The following CCDC7 variants were observed in gnomAD, a reference collection of about 807,000 sequenced individuals.
The protein encoded by CCDC7 is coiled-coil domain containing 7.
A neutral mutation model predicts 196.9 loss-of-function variants in CCDC7; 183 were observed. The ratio of observed to expected loss-of-function variants is 0.93; its 90% CI spans 0.82 to 1.05. The LOEUF (loss-of-function observed/expected upper bound fraction) is 1.05, where lower values mean the gene tolerates loss of function less well. Ranked by LOEUF, CCDC7 falls within the 50% of genes least tolerant of loss-of-function variation. The pLI is 0.00. For synonymous variants in CCDC7, 525 were observed against 484.6 expected (o/e 1.08, Z -1.10); for missense variants, 1,540 against 1,482.2 (o/e 1.04, Z -0.64).
downstream of CCDC7, among the ~76,000 whole-genome samples, chr10:32,879,871 A>G (rs1417554374): frequency 2.0e-5 from 3 of 152,074 alleles, no homozygotes; most frequent in Non-Finnish European, 4.4e-5. Context: ...ATGTCCCTGC[A>G]AACGACATGA....
In CCDC7 at chr10:32,590,093, A is replaced by T. The variant is rs78289178; in HGVS notation, c.1801+5789A>T. On this transcript the variant is annotated intron_variant, in intron 18 of 41. Coordinates refer to ENST00000639629, the Ensembl canonical transcript of CCDC7. ...TTGATTCTAAGGACTTATTCTTGCC[A>T]TTTTGTTATTGCTTTTCCAGTTGTT... Among the ~76,000 whole-genome samples, 1,281 of 151,914 alleles carry T rather than the reference A, an allele frequency of 8.4e-3. 28 individuals carry two copies. Among genetic ancestry groups the T allele is most frequent in the African/African-American group, 0.028 (1,180 of 41,444 alleles).
At chr10:32,565,742 A>C (rs1365763978) in intron 14 of CCDC7, 122 bp downstream of exon 15, 1 of 999,166 alleles carries the variant, frequency 1.0e-6, no homozygotes, top group African/African-American at 1.6e-5. Flanking sequence ...CTATTTGGCT[A>C]GGTTTAAACT....
intron 28 of CCDC7, among the ~76,000 whole-genome samples, chr10:32,751,000 G>A (rs1182553517): frequency 6.6e-6 from 1 of 152,042 alleles, no homozygotes; most frequent in Non-Finnish European, 1.5e-5. Flanking sequence ...ATAATTAATG[G>A]ACAGAAATCA....
At chr10:32,711,399 C>G (rs945710793) in intron 24 of CCDC7, among the ~76,000 whole-genome samples, 1 of 151,990 alleles carries the variant, frequency 6.6e-6, no homozygotes, top group Non-Finnish European at 1.5e-5. Context: ...TAATATAAAA[C>G]ACATTTAATA....
chr10:32,831,483 T>A (rs1337720736), intron 32 of CCDC7, among the ~76,000 whole-genome samples: 4 of 152,228 alleles, frequency 2.6e-5, no homozygotes, highest in Non-Finnish European at 5.9e-5. Context: ...TTTATTTTTT[T>A]AATTTTTGGA....
intron 21 of CCDC7, among the ~76,000 whole-genome samples, chr10:32,666,120 C>CTTTTT (rs35052301): frequency 1.5e-5 from 2 of 130,806 alleles, no homozygotes; most frequent in African/African-American, 2.8e-5. Context: ...TATTCTTTTT[C>CTTTTT]TTTTTTTTTT....
At chr10:32,835,424 A>T (rs1044192598) in intron 33 of CCDC7, among the ~76,000 whole-genome samples, 3 of 152,098 alleles carry the variant, frequency 2.0e-5, no homozygotes, top group Non-Finnish European at 4.4e-5. Flanking sequence ...AAAGACATGA[A>T]ATCAACCCAA....
At chr10:32,561,881 C>T (rs1279754228) in intron 13 of CCDC7, among the ~76,000 whole-genome samples, 1 of 151,910 alleles carries the variant, frequency 6.6e-6, no homozygotes, top group Non-Finnish European at 1.5e-5. Flanking sequence ...TTGAAAGGAT[C>T]AACAAAATTG....
intron 30 of CCDC7, among the ~76,000 whole-genome samples, chr10:32,807,795 A>G (rs2086156979): frequency 6.6e-6 from 1 of 151,894 alleles, no homozygotes; most frequent in South Asian, 2.1e-4. Context: ...AAGCAGATGC[A>G]GCATAGTGCC....
intron 2 of CCDC7, among the ~76,000 whole-genome samples, chr10:32,455,926 C>T (rs2034239597): frequency 6.6e-6 from 1 of 151,700 alleles, no homozygotes; most frequent in Non-Finnish European, 1.5e-5. Context: ...GTAATGATTA[C>T]CTTTTATTGG....
At chr10:32,533,273 A>ACACACACACACACACT in intron 11 of CCDC7, among the ~76,000 whole-genome samples, 1 of 151,714 alleles carries the variant, frequency 6.6e-6, no homozygotes, top group South Asian at 2.1e-4. Context: ...ACACACACAC[A>ACACACACACACACACT]CACACAATTC....
intron 18 of CCDC7, among the ~76,000 whole-genome samples, chr10:32,624,030 C>G (rs2063702002): frequency 6.6e-6 from 1 of 152,140 alleles, no homozygotes; most frequent in Non-Finnish European, 1.5e-5. Flanking sequence ...GGACCAGTAT[C>G]CAAACCATAT....
intron 3 of CCDC7, among the ~76,000 whole-genome samples, chr10:32,461,964 G>C (rs2133675411): frequency 6.6e-6 from 1 of 151,452 alleles, no homozygotes; most frequent in Non-Finnish European, 1.5e-5. Flanking sequence ...TAGAGACGGG[G>C]TTTCTCCATG....
At chr10:32,856,128 A>G (rs2093744174) in intron 41 of CCDC7, among the ~76,000 whole-genome samples, 1 of 152,208 alleles carries the variant, frequency 6.6e-6, no homozygotes, top group African/African-American at 2.4e-5. Flanking sequence ...AACTCTTAGA[A>G]GAAAACATAG....
At chr10:32,667,796 G>T (rs1327711378) in intron 21 of CCDC7, among the ~76,000 whole-genome samples, 1 of 152,126 alleles carries the variant, frequency 6.6e-6, no homozygotes, top group Admixed American at 6.6e-5. Context: ...TTGAAGTCAG[G>T]TAGCGTGATG....
rs2138379849 is a variant in CCDC7, at chr10:32,602,310, A to G, written c.1801+18006A>G. 2.7e-5 allele frequency among the ~76,000 whole-genome samples: 4 copies of G among 149,438 alleles called. 1 individual carries two copies. In the Middle Eastern group the frequency reaches 0.014, roughly 541 times the overall value. The stretch of plus-strand genomic sequence containing the variant: ...ACACATCTGAACATCTGAAGGAACA[A>G]ATTCTGGACACACCATCTTTAAGAG... On this transcript the variant is annotated intron_variant, in intron 18 of 41. Coordinates refer to ENST00000639629, the Ensembl canonical transcript of CCDC7.
At position 32,567,797 on chromosome 10, in the gene CCDC7, C is replaced by A. The variant is rs1039253656; in HGVS notation, c.1325C>A (p.Ser442Ter). ...CAAACAAAAGTTAAAGGTGAAGATT[C>A]AAAAAATATACCATTGGAGAAAGAA... The change falls in exon 15 of 42, where the codon TCA (serine) becomes TAA (stop). Residue 442 changes from serine to a stop codon, truncating the protein, a stop_gained. Coordinates refer to ENST00000639629, the Ensembl canonical transcript of CCDC7. LOFTEE classifies it high-confidence loss of function. 3 of 1,613,260 alleles carry A rather than the reference C, an allele frequency of 1.9e-6. No individual in the cohort carries two copies. The South Asian group carries it at 3.3e-5, about 18-fold the overall frequency.
chr10:32,611,014 G>T (rs986681488), intron 18 of CCDC7, among the ~76,000 whole-genome samples: 1 of 152,160 alleles, frequency 6.6e-6, no homozygotes, highest in African/African-American at 2.4e-5. Flanking sequence ...TTCCACAATG[G>T]TTGAACTAAT....
At chr10:32,465,744 T>G (rs2036635151) in intron 5 of CCDC7, among the ~76,000 whole-genome samples, 1 of 152,210 alleles carries the variant, frequency 6.6e-6, no homozygotes, top group Non-Finnish European at 1.5e-5. Flanking sequence ...TTGCTCAAAA[T>G]GTTTCCCTGA....
Sources: gnomAD v4.1 joint callset for allele counts (sites outside exome capture counted in the v4.1 genomes callset) on GRCh38, gnomAD v4.1.1 for gene constraint, MANE v1.5 for transcripts, NCBI Gene and HGNC (gene_info 2026-07-23, HGNC 2026-07-21) for gene names.